The following IPMK variants were observed in gnomAD, a reference collection of about 807,000 sequenced individuals.
IPMK encodes the protein inositol 1,3,4,6-tetrakisphosphate 5-kinase.
A neutral mutation model predicts 45.8 loss-of-function variants in IPMK; 17 were observed. The observed-to-expected ratio is 0.37, with a 90% confidence interval of 0.25 to 0.56. IPMK has a LOEUF of 0.56. Ranked by LOEUF, IPMK falls within the 20% of genes least tolerant of loss-of-function variation. The probability of loss-of-function intolerance (pLI) is 0.79; values close to 1 mark genes in which losing one functional copy is unlikely to be tolerated. For missense variants in IPMK, 399 were observed against 498.0 expected, an observed-to-expected ratio of 0.80 and a Z score of 1.89; for synonymous variants, 180 against 184.3, an observed-to-expected ratio of 0.98 and a Z score of 0.19.
intron 2 of IPMK, among the ~76,000 whole-genome samples, chr10:58,235,987 G>C (rs898657330): frequency 2.0e-4 from 31 of 151,330 alleles, no homozygotes; most frequent in African/African-American, 7.3e-4. Flanking sequence ...GGAGTACAGT[G>C]GTGCAATCTT....
At chr10:58,244,265 G>A (rs1255563020) in intron 1 of IPMK, among the ~76,000 whole-genome samples, 3 of 138,366 alleles carry the variant, frequency 2.2e-5, no homozygotes, top group Non-Finnish European at 4.6e-5. Flanking sequence ...GAGGTGGGGA[G>A]CGCGTCTGCC....
chr10:58,221,012 A>C (rs1838324751), intron 3 of IPMK, among the ~76,000 whole-genome samples: 1 of 152,254 alleles, frequency 6.6e-6, no homozygotes, highest in Non-Finnish European at 1.5e-5. Context: ...AGATGAGACA[A>C]GCATAATACA....
At chr10:58,202,748 A>G (rs190014122) in intron 4 of IPMK, among the ~76,000 whole-genome samples, 1 of 152,192 alleles carries the variant, frequency 6.6e-6, no homozygotes, top group Non-Finnish European at 1.5e-5. Context: ...TGGTTTACTG[A>G]ATATTTTCAG....
rs1422927293 is a variant in IPMK, at chr10:58,195,645, A to G, written c.*431T>C. The G allele has an allele frequency of 6.1e-6, 1 of 162,958 alleles. No homozygotes were observed. Among genetic ancestry groups the G allele is most frequent in the African/African-American group, 2.4e-5 (1 of 41,534 alleles). The allele number at this position is 162,958 out of a possible 1,614,324, so 10.1% of individuals were successfully genotyped here. On this transcript the variant is annotated 3_prime_UTR_variant, in exon 6 of 6. Transcript: ENST00000373935. ...TTTTAGTAACTTCATACATAGCAAT[A>G]CTAAGGACATCAACCTGTGCTTTCG...
intron 3 of IPMK, among the ~76,000 whole-genome samples, chr10:58,220,935 T>G (rs1838323664): frequency 6.6e-6 from 1 of 152,182 alleles, no homozygotes; most frequent in Non-Finnish European, 1.5e-5. Context: ...TGAGTACAGG[T>G]CTAACTTTGA....
At chr10:58,229,782 G>A (rs151102606) in intron 2 of IPMK, among the ~76,000 whole-genome samples, 1,610 of 152,182 alleles carry the variant, frequency 0.011, 27 homozygotes, top group African/African-American at 0.037. Context: ...CAGTGTGATC[G>A]ACGCAGAAGA....
intron 3 of IPMK, among the ~76,000 whole-genome samples, chr10:58,220,738 A>AAG (rs1435853457): frequency 6.6e-6 from 1 of 152,224 alleles, no homozygotes; most frequent in Admixed American, 6.5e-5. Flanking sequence ...GGTGAAGAAA[A>AAG]CAGATAAAAA....
At chr10:58,245,483 A>C (rs1384254953) in intron 1 of IPMK, among the ~76,000 whole-genome samples, 2 of 151,864 alleles carry the variant, frequency 1.3e-5, no homozygotes, top group East Asian at 3.9e-4. Flanking sequence ...GTGGTACCAC[A>C]TGCCTGTAAT....
At chr10:58,224,540 A>G (rs957374027) in intron 3 of IPMK, among the ~76,000 whole-genome samples, 10 of 152,220 alleles carry the variant, frequency 6.6e-5, no homozygotes, top group African/African-American at 2.4e-4. Context: ...CTTTAAATGG[A>G]TCAGTTTTAT....
At chr10:58,217,948 A>G (rs185796030) in intron 3 of IPMK, among the ~76,000 whole-genome samples, 4 of 152,296 alleles carry the variant, frequency 2.6e-5, no homozygotes, top group African/African-American at 7.2e-5. Flanking sequence ...CTGAATTACA[A>G]TAAAGAAGTT....
chr10:58,208,644 A>T (rs1473881709), intron 4 of IPMK, among the ~76,000 whole-genome samples: 2 of 152,168 alleles, frequency 1.3e-5, no homozygotes, highest in African/African-American at 4.8e-5. Flanking sequence ...GGCTTTCCCT[A>T]ATGCTGGCTA....
chr10:58,199,257 TTTG>T lies in IPMK; in HGVS notation c.608_610del (p.Thr203del), dbSNP rs1837961783. ...GTCCTTACCATCCTTTATAGTTTCT[TTTG>T]TTAAGCTTCTTCCGTAATGCTGGTT... On this transcript the variant is annotated inframe_deletion, in exon 5 of 6. Transcript: ENST00000373935. 1 of 1,605,426 alleles carries T rather than the reference TTTG, an allele frequency of 6.2e-7. No individual in the cohort carries two copies. The highest frequency in any genetic ancestry group is 1.7e-5 in the Admixed American group (1 of 59,612).
intron 3 of IPMK, among the ~76,000 whole-genome samples, chr10:58,219,242 A>G (rs574265255): frequency 6.0e-4 from 91 of 152,272 alleles, no homozygotes; most frequent in African/African-American, 2.1e-3. Context: ...TCTCATTTCT[A>G]TCTTTCCCTC....
At position 58,205,396 on chromosome 10, in the gene IPMK, T is replaced by C. The variant is rs180857422; in HGVS notation, c.547-6075A>G. Among the ~76,000 whole-genome samples, 466 of 152,136 alleles carry C rather than the reference T, an allele frequency of 3.1e-3. 3 individuals are homozygous for C. Among genetic ancestry groups the C allele is most frequent in the Non-Finnish European group, 4.6e-3 (313 of 67,996 alleles). On this transcript the variant is annotated intron_variant, in intron 4 of 5. Coordinates refer to ENST00000373935, the MANE Select transcript of IPMK (RefSeq NM_152230.5). ...AAGAAGACATATGTAGTCAAAAACA[T>C]TGCACATGAAAAGATGCTCAACATC...
chr10:58,236,301 A>G (rs778288709), intron 2 of IPMK, among the ~76,000 whole-genome samples: 1 of 152,212 alleles, frequency 6.6e-6, no homozygotes, highest in Non-Finnish European at 1.5e-5. Context: ...ACATTTATGA[A>G]GCTAAATGAA....
chr10:58,242,358 G>C (rs1366650482), intron 1 of IPMK, among the ~76,000 whole-genome samples: 1 of 151,896 alleles, frequency 6.6e-6, no homozygotes, highest in Non-Finnish European at 1.5e-5. Context: ...TACTCGGGAG[G>C]CTGAGGCAGG....
chr10:58,245,301 T>C (rs1588968726), intron 1 of IPMK, among the ~76,000 whole-genome samples: 1 of 151,920 alleles, frequency 6.6e-6, no homozygotes, highest in African/African-American at 2.4e-5. Flanking sequence ...AGTTGTTCAG[T>C]GGACATGAGT....
In IPMK at chr10:58,267,635, G is replaced by T; in HGVS notation, c.-24C>A. The T allele has an allele frequency of 1.3e-6, 2 of 1,538,712 alleles. No individual in the cohort carries two copies. Among genetic ancestry groups the T allele is most frequent in the East Asian group, 2.4e-5 (1 of 41,782 alleles). The stretch of plus-strand genomic sequence containing the variant: ...ATAACGGAGAGCAGAAGCGGTAACG[G>T]CAGCGAGAGTAGGAAAAAAAATAGG... On this transcript the variant is annotated 5_prime_UTR_variant, in exon 1 of 6. Transcript: ENST00000373935.
chr10:58,264,483 A>G (rs1422461265), intron 1 of IPMK, among the ~76,000 whole-genome samples: 1 of 152,204 alleles, frequency 6.6e-6, no homozygotes, highest in Non-Finnish European at 1.5e-5. Flanking sequence ...TCAGATTTCC[A>G]TCATTTGTTT....
Sources: allele counts gnomAD v4.1 joint callset (sites outside exome capture counted in the v4.1 genomes callset), GRCh38; gene constraint gnomAD v4.1.1; transcripts MANE v1.5; gene names NCBI Gene and HGNC (gene_info 2026-07-23, HGNC 2026-07-21).